Variants in STARD3NL observed in about 807,000 individuals in gnomAD.
The protein encoded by STARD3NL is STARD3 N-terminal-like protein.
A neutral mutation model predicts 30.9 loss-of-function variants in STARD3NL; 17 were observed. The observed-to-expected ratio is 0.55, with a 90% CI of 0.38 to 0.82. The LOEUF is 0.82. Ranked by LOEUF, STARD3NL falls within the 40% of genes least tolerant of loss-of-function variation. STARD3NL has a pLI of 0.00. For synonymous variants in STARD3NL, 112 were observed against 100.5 expected (o/e 1.11, Z -0.69); for missense variants, 234 against 277.6 (o/e 0.84, Z 1.12).
chr7:38,212,252 T>C (rs1785850493), intron 2 of STARD3NL, among the ~76,000 whole-genome samples: 2 of 152,228 alleles, frequency 1.3e-5, no homozygotes, highest in Admixed American at 1.3e-4. Context: ...CCACCCTCTG[T>C]TCCTGGCTCA....
rs1253445637 is a variant in STARD3NL, at chr7:38,197,133, CTTTTTTCT to C, written c.-58-10311_-58-10304del. ...TTCTGATCCTGTGAGATAGCATTAC[CTTTTTTCT>C]TTCTTTCTTTCTTTCTTTCTTTCTT... is the stretch of plus-strand genomic sequence containing the variant. On this transcript the variant is annotated intron_variant, in intron 1 of 8. Transcript: ENST00000009041. Among the ~76,000 whole-genome samples, 714 of 92,598 alleles carry C rather than the reference CTTTTTTCT, an allele frequency of 7.7e-3. 8 individuals carry two copies. The highest frequency in any genetic ancestry group is 0.03 in the South Asian group (83 of 2,772). The allele number at this position is 92,598 out of a possible 152,430, so 60.7% of individuals were successfully genotyped here.
chr7:38,181,545 A>G (rs1784246050), intron 1 of STARD3NL, among the ~76,000 whole-genome samples: 2 of 152,232 alleles, frequency 1.3e-5, no homozygotes, highest in Admixed American at 6.5e-5. Flanking sequence ...AGACTAATAA[A>G]TAGCTTAATT....
intron 1 of STARD3NL, among the ~76,000 whole-genome samples, chr7:38,195,032 T>C (rs1326995744): frequency 6.6e-6 from 1 of 152,144 alleles, no homozygotes; most frequent in African/African-American, 2.4e-5. Flanking sequence ...AAGCATACAC[T>C]GATACTGAGT....
In STARD3NL at chr7:38,205,643, C is replaced by T. The variant is rs552226253; in HGVS notation, c.-58-1804C>T. Among the ~76,000 whole-genome samples, 5 of 152,026 alleles carry T rather than the reference C, an allele frequency of 3.3e-5. No homozygotes were observed. In the East Asian group the frequency reaches 9.6e-4, roughly 29 times the overall value. On this transcript the variant is annotated intron_variant, in intron 1 of 8. Transcript: ENST00000009041. ...GATTTTTATTGAAATATAATATACA[C>T]TATTCAGTTGTGTATACATGTATAT...
intron 7 of STARD3NL, among the ~76,000 whole-genome samples, chr7:38,221,573 T>C (rs892464500): frequency 1.3e-5 from 2 of 152,170 alleles, no homozygotes; most frequent in Non-Finnish European, 2.9e-5. Context: ...TAATAATAAG[T>C]GGTGTAGCTG....
chr7:38,224,217 G>A (rs1035242918), intron 7 of STARD3NL, among the ~76,000 whole-genome samples: 2 of 152,160 alleles, frequency 1.3e-5, no homozygotes, highest in Admixed American at 6.5e-5. Flanking sequence ...TGGACATTTA[G>A]ATTGTTTCCA....
chr7:38,220,195 A>G (rs1204677208), intron 7 of STARD3NL, among the ~76,000 whole-genome samples: 1 of 152,214 alleles, frequency 6.6e-6, no homozygotes, highest in Non-Finnish European at 1.5e-5. Flanking sequence ...CAGTTTCTGC[A>G]AGAGCCTTTG....
At chr7:38,225,298 T>C (rs62443341) in intron 7 of STARD3NL, among the ~76,000 whole-genome samples, 31,532 of 152,148 alleles carry the variant, frequency 0.21, 3,328 homozygotes, top group Non-Finnish European at 0.22. Context: ...ATTTGTCTTT[T>C]CATTTCTTCC....
chr7:38,228,052 T>A (rs1407219656), intron 7 of STARD3NL, among the ~76,000 whole-genome samples: 2 of 152,210 alleles, frequency 1.3e-5, no homozygotes, highest in Non-Finnish European at 2.9e-5. Flanking sequence ...CTCATGGCAT[T>A]TAAAGTTTTA....
intron 1 of STARD3NL, among the ~76,000 whole-genome samples, chr7:38,199,527 G>A (rs1055291439): frequency 1.3e-5 from 2 of 152,198 alleles, no homozygotes; most frequent in African/African-American, 4.8e-5. Flanking sequence ...GAGAGGCAGT[G>A]AAGTGGATAA....
intron 1 of STARD3NL, among the ~76,000 whole-genome samples, chr7:38,184,797 G>A (rs1187980019): frequency 7.1e-6 from 1 of 141,682 alleles, no homozygotes; most frequent in Non-Finnish European, 1.5e-5. Flanking sequence ...AAGCAATAAA[G>A]AAAATTATGA....
Position 38,204,438 on chromosome 7 carries a change from A to G in STARD3NL, c.-58-3009A>G, listed in dbSNP as rs967237203. On this transcript the variant is annotated intron_variant, in intron 1 of 8. Transcript: ENST00000009041. ...AATAAAGATGCTCTTTGAAACCAAC[A>G]AAAACAAAGACACAACATACCAGAA... Among the ~76,000 whole-genome samples, 269 of 152,328 alleles carry G rather than the reference A, an allele frequency of 1.8e-3. 1 individual carries two copies. Among genetic ancestry groups the G allele is most frequent in the African/African-American group, 6.2e-3 (256 of 41,572 alleles).
At position 38,212,695 on chromosome 7, in the gene STARD3NL, T is replaced by C. The variant is rs138124799; in HGVS notation, c.226-1662T>C. Among the ~76,000 whole-genome samples the C allele has an allele frequency of 2.3e-3, 353 of 152,244 alleles. 3 individuals are homozygous for C. The highest frequency in any genetic ancestry group is 8.2e-3 in the African/African-American group (340 of 41,538). On this transcript the variant is annotated intron_variant, in intron 2 of 8. Coordinates refer to ENST00000009041, the MANE Select transcript of STARD3NL (RefSeq NM_032016.4). ...TTCGGAAGCTGTTGCAGGAATGTCA[T>C]GGAAGGCGGTGGGAATAGGAAGGAA...
At chr7:38,229,319 G>A (rs550927941) in intron 8 of STARD3NL, among the ~76,000 whole-genome samples, 1 of 152,336 alleles carries the variant, frequency 6.6e-6, no homozygotes, top group East Asian at 1.9e-4. Context: ...TGGGGCTCAG[G>A]CCCACACTTT....
intron 7 of STARD3NL, 143 bp downstream of exon 7, chr7:38,219,803 CA>C: frequency 1.6e-6 from 1 of 622,120 alleles, no homozygotes; most frequent in Non-Finnish European, 2.9e-6. Flanking sequence ...ATAGGTGAGA[CA>C]CGGTCTCACA....
intron 1 of STARD3NL, among the ~76,000 whole-genome samples, chr7:38,200,708 C>A (rs1369568426): frequency 1.3e-5 from 2 of 152,132 alleles, no homozygotes; most frequent in African/African-American, 4.8e-5. Context: ...AAGAAAGATT[C>A]TTGAGCTCTC....
intron 1 of STARD3NL, chr7:38,202,096 G>A (rs1029570730): frequency 1.3e-5 from 2 of 152,182 alleles, no homozygotes; most frequent in Admixed American, 6.5e-5. Context: ...TCTGACAGGC[G>A]GTAGTGCTTT....
intron 2 of STARD3NL, among the ~76,000 whole-genome samples, chr7:38,212,276 C>T (rs1327957597): frequency 1.3e-5 from 2 of 152,184 alleles, no homozygotes; most frequent in Non-Finnish European, 2.9e-5. Flanking sequence ...TAGATGAGCA[C>T]ACTTGCCTTC....
intron 1 of STARD3NL, among the ~76,000 whole-genome samples, chr7:38,180,360 CTCTT>C (rs779216652): frequency 1.5e-4 from 23 of 152,180 alleles, no homozygotes; most frequent in Non-Finnish European, 2.5e-4. Flanking sequence ...ACCGTGAATA[CTCTT>C]TCTTATTACC....
Sources: allele counts gnomAD v4.1 joint callset (sites outside exome capture counted in the v4.1 genomes callset), GRCh38; gene constraint gnomAD v4.1.1; transcripts MANE v1.5; gene names NCBI Gene and HGNC (gene_info 2026-07-23, HGNC 2026-07-21).